Variants in KIF16B observed in about 807,000 individuals in gnomAD.
KIF16B encodes kinesin-like protein KIF16B.
A neutral mutation model predicts 156.3 loss-of-function variants in KIF16B; 98 were observed. That is an observed-to-expected ratio of 0.63 (90% CI 0.53 to 0.74). KIF16B has a LOEUF of 0.74. Among genes scored for constraint, KIF16B ranks in the 30% least tolerant of loss-of-function variants. The pLI, the probability that KIF16B is intolerant of heterozygous loss-of-function variation, is 0.00. For missense variants in KIF16B, 1,421 were observed against 1,606.5 expected (o/e 0.88, Z 1.97); for synonymous variants, 564 against 583.7 (o/e 0.97, Z 0.49).
rs781032183 is a variant in KIF16B at position 16,356,330 on chromosome 20, C to G, written c.3621G>C (p.Lys1207Asn). ...GKDAHFEFEV[K>N]ITVLDETWTV... The stretch of plus-strand genomic sequence containing the variant: ...CCAGAAGAGTCAAGAAGACACTCAC[C>G]TTGACCTCAAACTCGAAGTGTGCAT... The change falls in exon 23 of 26, where the codon AAG becomes AAC. Residue 1207 changes from lysine to asparagine, a missense_variant and splice_region_variant. Coordinates refer to ENST00000354981, the MANE Select transcript of KIF16B (RefSeq NM_024704.5). 13 of 1,614,136 alleles carry G rather than the reference C, an allele frequency of 8.1e-6. No individual in the cohort carries two copies. Among genetic ancestry groups the G allele is most frequent in the Non-Finnish European group, 1.1e-5 (13 of 1,179,972 alleles).
At chr20:16,392,645 G>A (rs1159893618) in intron 17 of KIF16B, among the ~76,000 whole-genome samples, 1 of 152,212 alleles carries the variant, frequency 6.6e-6, no homozygotes, top group African/African-American at 2.4e-5. Context: ...TGCTGAAAAT[G>A]TGCGCCTCTG....
In KIF16B at chr20:16,467,535, A is replaced by T. The variant is rs1018441653; in HGVS notation, c.1302+26756T>A. Among the ~76,000 whole-genome samples the T allele has an allele frequency of 3.9e-5, 6 of 152,216 alleles. 1 individual carries two copies. The highest frequency in any genetic ancestry group is 5.9e-5 in the Non-Finnish European group (4 of 68,034). On this transcript the variant is annotated intron_variant, in intron 12 of 25. Coordinates refer to ENST00000354981, the MANE Select transcript of KIF16B (RefSeq NM_024704.5). ...AATACACTAAGGGCATTAATGGAAA[A>T]AGTAGACAACATGCAAGAACATACA...
chr20:16,319,372 A>G (rs564275989), intron 24 of KIF16B, among the ~76,000 whole-genome samples: 1 of 152,342 alleles, frequency 6.6e-6, no homozygotes, highest in East Asian at 1.9e-4. Context: ...CTATTAATCT[A>G]AAAGTATTCT....
At position 16,462,845 on chromosome 20, in the gene KIF16B, G is replaced by A. The variant is rs73095100; in HGVS notation, c.1302+31446C>T. On this transcript the variant is annotated intron_variant, in intron 12 of 25. Transcript: ENST00000354981. Reference sequence around the variant, plus strand: ...GCCAATAGCAAAAGGCTACCTGGGAGCCAAGCACATTCGACATGGAGGCTC... The same window carrying A: ...GCCAATAGCAAAAGGCTACCTGGGAACCAAGCACATTCGACATGGAGGCTC... Among the ~76,000 whole-genome samples the A allele has an allele frequency of 9.8e-4, 149 of 152,318 alleles. 2 individuals carry two copies. Among genetic ancestry groups the A allele is most frequent in the Non-Finnish European group, 1.7e-3 (115 of 68,040 alleles).
intron 12 of KIF16B, among the ~76,000 whole-genome samples, chr20:16,448,876 C>CAGAGAGAGAGAGAGAG (rs138248990): frequency 2.3e-4 from 33 of 145,456 alleles, no homozygotes; most frequent in African/African-American, 8.4e-4. Context: ...AGAAATATGA[C>CAGAGAGAGAGAGAGAG]AGAGAGAGAG....
intron 12 of KIF16B, among the ~76,000 whole-genome samples, chr20:16,486,417 G>A (rs1025389202): frequency 3.3e-5 from 5 of 152,156 alleles, no homozygotes; most frequent in Admixed American, 2.0e-4. Context: ...TAATTGGAAC[G>A]TTAGCATGTC....
At chr20:16,367,791 C>G in intron 22 of KIF16B, 1 of 1,612,588 alleles carries the variant, frequency 6.2e-7, no homozygotes, top group Admixed American at 1.7e-5. Flanking sequence ...CGGCATCAGG[C>G]TCTGGCATCA....
intron 7 of KIF16B, among the ~76,000 whole-genome samples, chr20:16,506,594 G>C (rs147833120): frequency 7.2e-5 from 11 of 152,274 alleles, no homozygotes; most frequent in African/African-American, 1.7e-4. Flanking sequence ...GTACGGAAAA[G>C]AGCATTCAAC....
At position 16,526,152 on chromosome 20, in the gene KIF16B, G is replaced by A. The variant is rs144970873; in HGVS notation, c.171C>T (p.Thr57=). ...CAGCAGAATAAAAAGAAAAGTCATA[G>A]GTGAAGGTCTTGGTCCGTTCTCTTC... The part of the protein sequence containing the change: ...DSGRERTKTF[T]YDFSFYSADT... The change falls in exon 3 of 26, where the codon ACC becomes ACT. Residue 57 remains threonine, a synonymous_variant. Transcript: ENST00000354981. 5.3e-5 allele frequency: 85 copies of A among 1,610,546 alleles called. No homozygotes were observed. The African/African-American group carries it at 1.0e-3, about 19-fold the overall frequency.
chr20:16,303,049 G>GT (rs1207920403), intron 25 of KIF16B, among the ~76,000 whole-genome samples: 1 of 151,914 alleles, frequency 6.6e-6, no homozygotes, highest in African/African-American at 2.4e-5. Flanking sequence ...AAATTATACT[G>GT]TAAGTCACTA....
At chr20:16,569,205 C>T (rs2071371404) in intron 1 of KIF16B, among the ~76,000 whole-genome samples, 2 of 152,132 alleles carry the variant, frequency 1.3e-5, no homozygotes, top group South Asian at 4.1e-4. Context: ...GAAGTAAATG[C>T]TTGTTGTTTA....
In KIF16B at chr20:16,379,892, G is replaced by A. The variant is rs778077073; in HGVS notation, c.2110C>T (p.Arg704Cys). 17 of 1,614,014 alleles carry A rather than the reference G, an allele frequency of 1.1e-5. No homozygotes were observed. Among genetic ancestry groups the A allele is most frequent in the Non-Finnish European group, 1.4e-5 (16 of 1,180,048 alleles). Reference protein sequence around the residue: ...KKRQEEETFLRVQEELQRLKE... With the variant: ...KKRQEEETFLCVQEELQRLKE... Reference sequence around the variant, plus strand: ...AGTCGTTGGAGTTCTTCTTGGACGCGGAGAAAGGTCTCTTCTTCTTGTCTC... The same window carrying A: ...AGTCGTTGGAGTTCTTCTTGGACGCAGAGAAAGGTCTCTTCTTCTTGTCTC... Residue 704 changes from arginine to cysteine, a missense_variant, in exon 19 of 26, where the codon CGC becomes TGC. By Grantham distance (180) the Arg-to-Cys change is radical. Transcript: ENST00000354981.
intron 10 of KIF16B, among the ~76,000 whole-genome samples, chr20:16,500,212 A>T (rs543356366): frequency 1.3e-5 from 2 of 152,172 alleles, no homozygotes; most frequent in African/African-American, 2.4e-5. Flanking sequence ...CCATTTCACT[A>T]TTCTTAAAAT....
chr20:16,406,012 T>C (rs1230757309), intron 16 of KIF16B, among the ~76,000 whole-genome samples: 4 of 152,188 alleles, frequency 2.6e-5, no homozygotes, highest in African/African-American at 9.7e-5. Flanking sequence ...CTGTGGCTGA[T>C]TTTGGATTAA....
chr20:16,390,436 T>C (rs2065336821), intron 17 of KIF16B, among the ~76,000 whole-genome samples: 1 of 152,182 alleles, frequency 6.6e-6, no homozygotes, highest in Non-Finnish European at 1.5e-5. Flanking sequence ...TCACAGGCAG[T>C]CTGACTGGAT....
chr20:16,557,244 A>C (rs1218280131), intron 1 of KIF16B, among the ~76,000 whole-genome samples: 2 of 151,752 alleles, frequency 1.3e-5, no homozygotes, highest in Admixed American at 6.6e-5. Context: ...GCAGTGGCGC[A>C]ATCTCGGCTC....
intron 23 of KIF16B, among the ~76,000 whole-genome samples, chr20:16,352,620 A>C (rs2064359798): frequency 1.3e-5 from 2 of 152,220 alleles, no homozygotes; most frequent in Admixed American, 1.3e-4. Flanking sequence ...GGGCAGACCA[A>C]ATTGGAGCTC....
At chr20:16,422,860 C>T (rs10485551) in intron 15 of KIF16B, among the ~76,000 whole-genome samples, 11,143 of 152,078 alleles carry the variant, frequency 0.073, 1,339 homozygotes, top group African/African-American at 0.25. Context: ...CCTCAAATTA[C>T]ATTTTAGCAC....
chr20:16,344,513 C>T (rs371766369), intron 23 of KIF16B, among the ~76,000 whole-genome samples: 2 of 152,142 alleles, frequency 1.3e-5, no homozygotes, highest in African/African-American at 4.8e-5. Flanking sequence ...TTACAGAGGC[C>T]GGACTCCAGG....
Sources: allele counts gnomAD v4.1 joint callset (sites outside exome capture counted in the v4.1 genomes callset), GRCh38; gene constraint gnomAD v4.1.1; transcripts MANE v1.5; gene names NCBI Gene and HGNC (gene_info 2026-07-23, HGNC 2026-07-21).